The following MT3 variants were observed in gnomAD, a reference collection of about 807,000 sequenced individuals.
MT3 encodes the protein metallothionein 3.
Under a neutral mutation model 10.9 loss-of-function variants are expected in MT3, and 8 were observed. The observed-to-expected ratio is 0.73, with a 90% CI of 0.43 to 1.33. The LOEUF (loss-of-function observed/expected upper bound fraction) is 1.33. Ranked by LOEUF, MT3 falls within the 40% of genes most tolerant of loss-of-function variation. The probability of loss-of-function intolerance (pLI) is 0.01; values close to 1 mark genes in which losing one functional copy is unlikely to be tolerated. For missense variants in MT3, 75 were observed against 83.9 expected (o/e 0.89, Z 0.41); for synonymous variants, 32 against 29.9 (o/e 1.07, Z -0.23).
chr16:56,590,185 G>C (rs1342587254), intron 2 of MT3: 3 of 659,662 alleles, frequency 4.5e-6, no homozygotes, highest in Non-Finnish European at 8.3e-6. Context: ...TGGGATTGAG[G>C]ACTGCCACAC....
Position 56,589,550 on chromosome 16 carries a change from G to C in MT3, c.-41G>C, listed in dbSNP as rs749161533. 1 of 1,540,976 alleles carries C rather than the reference G, an allele frequency of 6.5e-7. No homozygotes were observed. Among genetic ancestry groups the C allele is most frequent in the East Asian group, 2.3e-5 (1 of 43,740 alleles). On this transcript the variant is annotated 5_prime_UTR_variant, in exon 1 of 3. Coordinates refer to ENST00000200691, the MANE Select transcript of MT3 (RefSeq NM_005954.4). ...GCCAAGCCGCGCGTCCAGTTGCTTG[G>C]AGAAGCCCGTTCACCGCCTCCAGCT...
At chr16:56,590,708 G>A in intron 2 of MT3, 132 bp from the exon 3 acceptor site, 3 of 817,500 alleles carry the variant, frequency 3.7e-6, no homozygotes, top group Non-Finnish European at 5.9e-6. Context: ...GTGAGACTAA[G>A]AAGGGGGCTG....
intron 2 of MT3, chr16:56,590,263 G>A: frequency 1.7e-6 from 1 of 602,814 alleles, no homozygotes; most frequent in African/African-American, 1.8e-5. Context: ...TAGTGAGGCT[G>A]CGGCTCAGCT....
chr16:56,590,839 G>A lies in MT3; in HGVS notation c.98-1G>A. ...GTGGTCATCTTCCATTTTATCTGCAGGCTGCTGCTCCTGCTGCCCTGCGGA... is the reference window on the plus strand; with the variant it reads ...GTGGTCATCTTCCATTTTATCTGCAAGCTGCTGCTCCTGCTGCCCTGCGGA... On this transcript the variant is annotated splice_acceptor_variant, in intron 2 of 2. Transcript: ENST00000200691. LOFTEE classifies it high-confidence loss of function. 1 of 1,613,436 alleles carries A rather than the reference G, an allele frequency of 6.2e-7. No homozygotes were observed. The highest frequency in any genetic ancestry group is 8.5e-7 in the Non-Finnish European group (1 of 1,179,730).
intron 1 of MT3, 37 bp downstream of exon 1, chr16:56,589,658 G>T (rs771206037): frequency 5.6e-6 from 9 of 1,604,934 alleles, no homozygotes; most frequent in Non-Finnish European, 7.6e-6. Flanking sequence ...TGCGCACTGC[G>T]CGCCCTTGTA....
At chr16:56,589,708 C>T (rs766194888) in intron 1 of MT3, 87 bp downstream of exon 1, 4 of 1,594,170 alleles carry the variant, frequency 2.5e-6, no homozygotes, top group Non-Finnish European at 3.4e-6. Flanking sequence ...CGCTCAAGGA[C>T]ACTTGGGGGA....
At chr16:56,590,745 G>T in intron 2 of MT3, 95 bp from the exon 3 acceptor site, 2 of 1,242,502 alleles carry the variant, frequency 1.6e-6, no homozygotes, top group South Asian at 2.6e-5. Context: ...AATGAACCAG[G>T]ATGACTCCCC....
Position 56,589,951 on chromosome 16 carries a change from C to T in MT3, c.97+16C>T. ...TGCAAGAAGAGTGAGTGCGGGGACC[C>T]TTCCCCTCTGCCGCCGCCCCCTCTG... is the stretch of plus-strand genomic sequence containing the variant. On this transcript the variant is annotated intron_variant, in intron 2 of 2. Transcript: ENST00000200691. The T allele has an allele frequency of 6.2e-7, 1 of 1,613,728 alleles. No individual in the cohort carries two copies. The highest frequency in any genetic ancestry group is 8.5e-7 in the Non-Finnish European group (1 of 1,179,860).
At position 56,590,686 on chromosome 16, in the gene MT3, G is replaced by A. The variant is rs938122559; in HGVS notation, c.98-154G>A. The A allele has an allele frequency of 7.4e-5, 51 of 690,072 alleles. 1 individual carries two copies. Among genetic ancestry groups the A allele is most frequent in the Admixed American group, 4.9e-4 (21 of 42,666 alleles). 42.7% of individuals were successfully genotyped at this position (690,072 alleles called of 1,614,324 possible). ...GCCACTGCCGCGACATAGATGCTGA[G>A]TCAAAGCAGGTGTGAGACTAAGAAG... On this transcript the variant is annotated intron_variant, in intron 2 of 2. Transcript: ENST00000200691.
At position 56,589,558 on chromosome 16, in the gene MT3, C is replaced by T. The variant is rs748033231; in HGVS notation, c.-33C>T. ...GCGCGTCCAGTTGCTTGGAGAAGCC[C>T]GTTCACCGCCTCCAGCTGCTGCTCT... On this transcript the variant is annotated 5_prime_UTR_variant, in exon 1 of 3. Coordinates refer to ENST00000200691, the MANE Select transcript of MT3 (RefSeq NM_005954.4). 4.5e-6 allele frequency: 7 copies of T among 1,547,110 alleles called. No homozygotes were observed. In the South Asian group the frequency reaches 8.5e-5, roughly 19 times the overall value.
Position 56,589,901 on chromosome 16 carries a change from G to A in MT3, c.63G>A (p.Lys21=), listed in dbSNP as rs373869777. 8.7e-6 allele frequency: 14 copies of A among 1,614,116 alleles called. No homozygotes were observed. Among genetic ancestry groups the A allele is most frequent in the African/African-American group, 6.7e-5 (5 of 75,044 alleles). The change falls in exon 2 of 3, where the codon AAG becomes AAA. Residue 21 remains lysine, a synonymous_variant. Transcript: ENST00000200691. ...CCTGCACCTGCGCGGACTCCTGCAA[G>A]TGCGAGGGATGCAAATGCACCTCCT... ...GGSCTCADSC[K]CEGCKCTSCK...
chr16:56,589,786 G>C (rs1214616873), intron 1 of MT3, 84 bp from the exon 2 acceptor site: 2 of 1,583,446 alleles, frequency 1.3e-6, no homozygotes, highest in East Asian at 2.2e-5. Context: ...AGAACAGGGA[G>C]ACTTGGCACC....
Position 56,591,028 on chromosome 16 carries a change from C to A in MT3, c.*79C>A. The A allele has an allele frequency of 1.7e-6, 2 of 1,175,662 alleles. No individual in the cohort carries two copies. The highest frequency in any genetic ancestry group is 2.5e-6 in the Non-Finnish European group (2 of 803,602). 72.8% of individuals were successfully genotyped at this position (1,175,662 alleles called of 1,614,324 possible). On this transcript the variant is annotated 3_prime_UTR_variant, in exon 3 of 3. Coordinates refer to ENST00000200691, the MANE Select transcript of MT3 (RefSeq NM_005954.4). Reference sequence around the variant, plus strand: ...CACCTATGCCTGTGGTGAAGTGTGGCTGGTGTCCCCTTCCCCTGCTGACCT... The same window carrying A: ...CACCTATGCCTGTGGTGAAGTGTGGATGGTGTCCCCTTCCCCTGCTGACCT...
intron 2 of MT3, 86 bp from the exon 3 acceptor site, chr16:56,590,754 C>T (rs1959811995): frequency 7.4e-7 from 1 of 1,356,284 alleles, no homozygotes; most frequent in African/African-American, 1.4e-5. Flanking sequence ...GGATGACTCC[C>T]CACCCAGCAC....
intron 2 of MT3, chr16:56,590,137 G>C (rs1341134954): frequency 4.2e-6 from 3 of 706,126 alleles, no homozygotes; most frequent in Admixed American, 2.0e-5. Context: ...CGTGGGACGA[G>C]AGGTTTTTGT....
At chr16:56,590,099 C>A in intron 2 of MT3, 164 bp downstream of exon 2, 1 of 755,502 alleles carries the variant, frequency 1.3e-6, no homozygotes, top group Non-Finnish European at 2.3e-6. Flanking sequence ...GATGCCCCTG[C>A]CCCACACCCA....
rs376911485 is a variant in MT3 at position 56,589,587 on chromosome 16, C to A, written c.-4C>A. ...CACCGCCTCCAGCTGCTGCTCTCCT[C>A]GACATGGACCCTGAGACCTGCCCCT... On this transcript the variant is annotated 5_prime_UTR_variant, in exon 1 of 3. Coordinates refer to ENST00000200691, the MANE Select transcript of MT3 (RefSeq NM_005954.4). 5.1e-5 allele frequency: 80 copies of A among 1,583,196 alleles called. No individual in the cohort carries two copies. In the African/African-American group the frequency reaches 7.2e-4, roughly 14 times the overall value.
rs1328747476 is a variant in MT3 at position 56,590,310 on chromosome 16, C to G, written c.97+375C>G. 11 of 591,274 alleles carry G rather than the reference C, an allele frequency of 1.9e-5. No individual in the cohort carries two copies. The East Asian group carries it at 2.5e-4, about 13-fold the overall frequency. 36.6% of individuals were successfully genotyped at this position (591,274 alleles called of 1,614,324 possible). A position where few individuals can be genotyped will look rare whatever the true frequency, so the allele number is the denominator to read the frequency against. On this transcript the variant is annotated intron_variant, in intron 2 of 2. Coordinates refer to ENST00000200691, the MANE Select transcript of MT3 (RefSeq NM_005954.4). ...GTCCCTTGGCCTCTCTCCGGCCTTA[C>G]GGATCCTCTCAGTTTGATCTCAAAA...
chr16:56,590,780 G>T, intron 2 of MT3, 60 bp from the exon 3 acceptor site: 1 of 1,533,320 alleles, frequency 6.5e-7, no homozygotes, highest in Non-Finnish European at 8.9e-7. Context: ...CCTCCCCTTT[G>T]ATGGGGACGA....
Sources: allele counts gnomAD v4.1 joint callset, GRCh38; gene constraint gnomAD v4.1.1; transcripts MANE v1.5; gene names NCBI Gene and HGNC (gene_info 2026-07-23, HGNC 2026-07-21).